Variants in LYPD6 observed in about 807,000 individuals in gnomAD.
The protein encoded by LYPD6 is LY6/PLAUR domain containing 6.
LYPD6 carries 15 observed loss-of-function variants against 22.7 expected under a neutral mutation model. The observed-to-expected ratio is 0.66, with a 90% CI of 0.44 to 1.02. LYPD6 has a LOEUF of 1.02. Ranked by LOEUF, LYPD6 falls within the 50% of genes least tolerant of loss-of-function variation. The pLI, the probability that LYPD6 is intolerant of heterozygous loss-of-function variation, is 0.00. For missense variants in LYPD6, 189 were observed against 208.4 expected (o/e 0.91, Z 0.57); for synonymous variants, 72 against 77.5 (o/e 0.93, Z 0.37).
At position 149,468,573 on chromosome 2, in the gene LYPD6, A is replaced by C. The variant is rs1172841879; in HGVS notation, c.218-72A>C. The C allele has an allele frequency of 8.6e-6, 13 of 1,516,656 alleles. No individual in the cohort carries two copies. In the East Asian group the frequency reaches 2.7e-4, roughly 32 times the overall value. The allele number at this position is 1,516,656 out of a possible 1,614,324, so 93.9% of individuals were successfully genotyped here. A position where few individuals can be genotyped will look rare whatever the true frequency, so the allele number is the denominator to read the frequency against. On this transcript the variant is annotated intron_variant, in intron 3 of 4. Coordinates refer to ENST00000334166, the MANE Select transcript of LYPD6 (RefSeq NM_194317.5). ...TCTTTTCTGGAATGATAATGCTGAC[A>C]CTCCTGTTATTTTCCTTTTAGGCAG...
At chr2:149,412,896 A>G (rs1159199827) in intron 1 of LYPD6, among the ~76,000 whole-genome samples, 1 of 152,200 alleles carries the variant, frequency 6.6e-6, no homozygotes, top group African/African-American at 2.4e-5. Flanking sequence ...TTCCTTTCAT[A>G]ATCATTAACT....
intron 1 of LYPD6, among the ~76,000 whole-genome samples, chr2:149,364,216 G>A (rs1313793900): frequency 1.3e-5 from 2 of 152,158 alleles, no homozygotes; most frequent in Non-Finnish European, 2.9e-5. Context: ...GACTCAAGAA[G>A]ATAGGGAATT....
downstream of LYPD6, among the ~76,000 whole-genome samples, chr2:149,475,737 C>T (rs544180669): frequency 7.2e-4 from 109 of 152,218 alleles, 2 homozygotes; most frequent in African/African-American, 2.6e-3. Flanking sequence ...TTTCTATTAC[C>T]CCAGTAGAAT....
intron 1 of LYPD6, among the ~76,000 whole-genome samples, chr2:149,404,713 A>T (rs1323511524): frequency 6.6e-6 from 1 of 152,138 alleles, no homozygotes; most frequent in Non-Finnish European, 1.5e-5. Context: ...TTCGTATTTG[A>T]ATACCCTTTA....
chr2:149,406,700 T>C (rs1682718794), intron 1 of LYPD6, among the ~76,000 whole-genome samples: 1 of 152,208 alleles, frequency 6.6e-6, no homozygotes. Context: ...TGCCAGTCTG[T>C]GTCTTTTAAT....
At chr2:149,334,921 C>T (rs1282731240) in intron 1 of LYPD6, among the ~76,000 whole-genome samples, 3 of 152,170 alleles carry the variant, frequency 2.0e-5, no homozygotes, top group Non-Finnish European at 4.4e-5. Context: ...CACCTAGTGA[C>T]ATCTTAGCTG....
At chr2:149,460,955 A>G (rs931049079) in intron 3 of LYPD6, among the ~76,000 whole-genome samples, 3 of 152,060 alleles carry the variant, frequency 2.0e-5, no homozygotes, top group Admixed American at 6.5e-5. Flanking sequence ...ACATATGAAA[A>G]TTTGTAGGAC....
rs139502222 is a variant in LYPD6, at chr2:149,423,997, C to T, written c.-71-13641C>T. On this transcript the variant is annotated intron_variant, in intron 1 of 4. Transcript: ENST00000334166. ...CAATCCAGCCCTGATAAAAGTATTA[C>T]TCAAAGACTTGAAGATTTCCCCGAA... is the stretch of plus-strand genomic sequence containing the variant. Among the ~76,000 whole-genome samples, 743 of 152,174 alleles carry T rather than the reference C, an allele frequency of 4.9e-3. 6 individuals carry two copies. The highest frequency in any genetic ancestry group is 0.017 in the African/African-American group (698 of 41,478).
chr2:149,467,840 T>G (rs1681235788), intron 3 of LYPD6, among the ~76,000 whole-genome samples: 1 of 152,058 alleles, frequency 6.6e-6, no homozygotes, highest in South Asian at 2.1e-4. Flanking sequence ...ACAAAGCCAT[T>G]TTTCTTTAGT....
At chr2:149,476,810 T>C (rs963986961), downstream of LYPD6, among the ~76,000 whole-genome samples, 1 of 152,176 alleles carries the variant, frequency 6.6e-6, no homozygotes, top group African/African-American at 2.4e-5. Flanking sequence ...TCCCCACTGG[T>C]GTGCACCTGG....
chr2:149,391,783 G>A (rs1260327765), intron 1 of LYPD6, among the ~76,000 whole-genome samples: 2 of 152,172 alleles, frequency 1.3e-5, no homozygotes, highest in African/African-American at 4.8e-5. Context: ...TGGAAGAATA[G>A]AAGGTGTATT....
Position 149,445,540 on chromosome 2 carries a change from C to T in LYPD6, c.119-3509C>T, listed in dbSNP as rs537261395. On this transcript the variant is annotated intron_variant, in intron 2 of 4. Coordinates refer to ENST00000334166, the MANE Select transcript of LYPD6 (RefSeq NM_194317.5). ...GTAACTAGATTTTCTGGATAACTTG[C>T]TGCAACTTCTTCATTAGCACTTTCC... Among the ~76,000 whole-genome samples, 13 of 152,312 alleles carry T rather than the reference C, an allele frequency of 8.5e-5. No homozygotes were observed. In the South Asian group the frequency reaches 2.7e-3, roughly 32 times the overall value.
intron 3 of LYPD6, among the ~76,000 whole-genome samples, chr2:149,450,202 A>G (rs1007342643): frequency 2.0e-5 from 3 of 152,212 alleles, no homozygotes; most frequent in Admixed American, 6.5e-5. Flanking sequence ...CTTCAGCAGC[A>G]GCATCATTCT....
rs1396188729 is a variant in LYPD6, at chr2:149,468,773, A to G, written c.346A>G (p.Lys116Glu). 6.2e-7 allele frequency: 1 copy of G among 1,613,318 alleles called. No homozygotes were observed. The highest frequency in any genetic ancestry group is 1.1e-5 in the South Asian group (1 of 91,058). The change falls in exon 4 of 5, where the codon AAG (lysine) becomes GAG (glutamate). Residue 116 changes from lysine (K) to glutamate (E), a missense_variant and splice_region_variant. By Grantham distance (56) the Lys-to-Glu change is moderately conservative. Transcript: ENST00000334166. ...CAGAGACTCCGAGCATGAAGGCCAC[A>G]AGGTCTGGGCAACAGAGCAAGTGAC... Reference protein sequence around the residue: ...GCRDSEHEGHKVCTSCCEGNI... With the variant: ...GCRDSEHEGHEVCTSCCEGNI...
chr2:149,412,597 C>G (rs573041316), intron 1 of LYPD6, among the ~76,000 whole-genome samples: 1 of 152,130 alleles, frequency 6.6e-6, no homozygotes, highest in Admixed American at 6.5e-5. Context: ...AGGCTGTGGT[C>G]CAAGAGCAGC....
intron 1 of LYPD6, among the ~76,000 whole-genome samples, chr2:149,435,826 C>A (rs1043265859): frequency 6.6e-6 from 1 of 152,108 alleles, no homozygotes; most frequent in African/African-American, 2.4e-5. Context: ...GCAAGGTTGG[C>A]ATTATCAAGC....
intron 1 of LYPD6, among the ~76,000 whole-genome samples, chr2:149,401,365 A>G (rs1039334687): frequency 6.6e-6 from 1 of 152,154 alleles, no homozygotes; most frequent in Non-Finnish European, 1.5e-5. Flanking sequence ...GAGTGATTGG[A>G]TTTGGGATAT....
In LYPD6 at chr2:149,444,435, A is replaced by G. The variant is rs72620214; in HGVS notation, c.119-4614A>G. 4.7e-3 allele frequency among the ~76,000 whole-genome samples: 711 copies of G among 152,288 alleles called. 37 individuals carry two copies. The East Asian group carries it at 0.12, about 26-fold the overall frequency. On this transcript the variant is annotated intron_variant, in intron 2 of 4. Coordinates refer to ENST00000334166, the MANE Select transcript of LYPD6 (RefSeq NM_194317.5). ...ATAAGACAACAATGAAGTTTACCAT[A>G]TGAGCTGATTCTGCCCTTCACAAAA...
At chr2:149,463,530 G>A (rs145563957) in intron 3 of LYPD6, among the ~76,000 whole-genome samples, 1 of 152,256 alleles carries the variant, frequency 6.6e-6, no homozygotes, top group East Asian at 1.9e-4. Context: ...TTCACTTCTG[G>A]TCACTCATAC....
Sources: gnomAD v4.1 joint callset for allele counts (sites outside exome capture counted in the v4.1 genomes callset) on GRCh38, gnomAD v4.1.1 for gene constraint, MANE v1.5 for transcripts, NCBI Gene and HGNC (gene_info 2026-07-23, HGNC 2026-07-21) for gene names.